The following EDARADD variants were observed in gnomAD, a reference collection of about 807,000 sequenced individuals.
EDARADD encodes the protein EDAR associated via death domain.
EDARADD carries 20 observed loss-of-function variants against 25.6 expected under a neutral mutation model. That is an observed-to-expected ratio of 0.78 (90% CI 0.55 to 1.14). The LOEUF (loss-of-function observed/expected upper bound fraction) is 1.14, where lower values mean the gene tolerates loss of function less well. Among genes scored for constraint, EDARADD ranks in the 50% most tolerant of loss-of-function variants. EDARADD has a pLI of 0.00. For missense variants in EDARADD, 225 were observed against 270.1 expected, an observed-to-expected ratio of 0.83 and a Z score of 1.17; for synonymous variants, 86 against 94.4, an observed-to-expected ratio of 0.91 and a Z score of 0.52.
intron 4 of EDARADD, among the ~76,000 whole-genome samples, chr1:236,466,882 C>T (rs1359994395): frequency 6.6e-6 from 1 of 152,128 alleles, no homozygotes; most frequent in Non-Finnish European, 1.5e-5. Flanking sequence ...TCCCGGCCAA[C>T]ATGGTGAAAC....
chr1:236,452,496 T>TC (rs752902630), intron 4 of EDARADD, among the ~76,000 whole-genome samples: 14 of 130,436 alleles, frequency 1.1e-4, no homozygotes, highest in South Asian at 1.1e-3. Flanking sequence ...GTGTGGCCGA[T>TC]CCCCCCTCTC....
At chr1:236,381,789 T>C (rs1461166239) in intron 3 of EDARADD, among the ~76,000 whole-genome samples, 1 of 145,618 alleles carries the variant, frequency 6.9e-6, no homozygotes, top group African/African-American at 2.5e-5. Flanking sequence ...TTTTTTTTTC[T>C]TCCTGTGGTT....
At chr1:236,422,537 GT>G (rs1657807498) in intron 3 of EDARADD, among the ~76,000 whole-genome samples, 1 of 152,208 alleles carries the variant, frequency 6.6e-6, no homozygotes, top group African/African-American at 2.4e-5. Context: ...AGTTTGGCCA[GT>G]TTTGCTAATC....
At chr1:236,405,771 TTC>T (rs759139136) in intron 1 of EDARADD, among the ~76,000 whole-genome samples, 704 of 56,330 alleles carry the variant, frequency 0.012, 3 homozygotes, top group South Asian at 0.027. Context: ...CTTTCTTTCT[TTC>T]TTTCTTTCTT....
chr1:236,467,032 C>T (rs371987610), intron 4 of EDARADD, among the ~76,000 whole-genome samples: 4 of 151,938 alleles, frequency 2.6e-5, no homozygotes, highest in Non-Finnish European at 2.9e-5. Flanking sequence ...TGCCACTGCA[C>T]TCCAGCCTGG....
At chr1:236,394,013 C>G (rs1314060123), upstream of EDARADD, among the ~76,000 whole-genome samples, 1 of 150,222 alleles carries the variant, frequency 6.7e-6, no homozygotes, top group African/African-American at 2.4e-5. Flanking sequence ...AAAAAAAAAC[C>G]CTTAAAATAT....
intron 2 of EDARADD, 47 bp from the exon 3 acceptor site, chr1:236,414,213 T>G (rs546611783): frequency 6.6e-7 from 1 of 1,511,996 alleles, no homozygotes; most frequent in South Asian, 1.1e-5. Flanking sequence ...CACTTTGATC[T>G]TACATGGCAT....
exon 3 of EDARADD, chr1:236,350,731 C>G (rs533598831): frequency 6.6e-6 from 1 of 152,282 alleles, no homozygotes; most frequent in South Asian, 2.1e-4. Context: ...TAGCTCCAAG[C>G]ATTCTGAGCT....
At chr1:236,426,789 G>T (rs1394530108) in intron 3 of EDARADD, among the ~76,000 whole-genome samples, 1 of 152,162 alleles carries the variant, frequency 6.6e-6, no homozygotes, top group Non-Finnish European at 1.5e-5. Flanking sequence ...CAGATACTTG[G>T]GAGGCTGAGG....
rs534000941 is a variant in EDARADD at position 236,398,315 on chromosome 1, T to G, written c.61+3810T>G. ...AATTTTTTGTATTTTTAGGCTGGTC[T>G]CGAACTCCTGACCTCAAGTGATCCA... On this transcript the variant is annotated intron_variant, in intron 1 of 5. Transcript: ENST00000334232. The surrounding 1 kb of genome is among the most constrained non-coding windows in gnomAD (Gnocchi z 4.1). Among the ~76,000 whole-genome samples the G allele has an allele frequency of 1.3e-5, 2 of 152,120 alleles. No homozygotes were observed. Among genetic ancestry groups the G allele is most frequent in the Non-Finnish European group, 2.9e-5 (2 of 68,012 alleles).
intron 3 of EDARADD, among the ~76,000 whole-genome samples, chr1:236,353,678 CAA>C (rs34798233): frequency 2.3e-4 from 18 of 78,684 alleles, no homozygotes; most frequent in Admixed American, 3.2e-4. Context: ...ACTCCAACTC[CAA>C]AAAAAAAAAA....
At chr1:236,394,112 T>G (rs10802533), upstream of EDARADD, among the ~76,000 whole-genome samples, 118,705 of 152,060 alleles carry the variant, frequency 0.78, 47,365 homozygotes, top group East Asian at 0.92. Context: ...ACCAGCTTTA[T>G]AGCAATGCTT....
intron 2 of EDARADD, among the ~76,000 whole-genome samples, chr1:236,410,482 C>A (rs1439457520): frequency 2.0e-5 from 3 of 152,102 alleles, no homozygotes; most frequent in Non-Finnish European, 4.4e-5. Context: ...TCCTCCCAAC[C>A]ATCCCTTGAG....
At chr1:236,424,441 G>A (rs1453880660) in intron 3 of EDARADD, among the ~76,000 whole-genome samples, 1 of 152,072 alleles carries the variant, frequency 6.6e-6, no homozygotes, top group Non-Finnish European at 1.5e-5. Flanking sequence ...GGGATTACAG[G>A]TGTGAGCCAC....
At chr1:236,433,694 A>AAAAAT (rs1004843264) in intron 4 of EDARADD, among the ~76,000 whole-genome samples, 1 of 151,922 alleles carries the variant, frequency 6.6e-6, no homozygotes, top group African/African-American at 2.4e-5. Context: ...AGAGTGGTTA[A>AAAAAT]AAAATAAAAT....
At chr1:236,470,707 G>A (rs1659337427) in intron 5 of EDARADD, among the ~76,000 whole-genome samples, 1 of 152,132 alleles carries the variant, frequency 6.6e-6, no homozygotes. Context: ...CTGGGTTCAA[G>A]CAGCTCTCCT....
chr1:236,468,201 T>C, intron 4 of EDARADD, 30 bp from the exon 5 acceptor site: 1 of 1,607,530 alleles, frequency 6.2e-7, no homozygotes, highest in Non-Finnish European at 8.5e-7. Flanking sequence ...TTGGATATGA[T>C]TTTAATGAAG....
At chr1:236,358,181 T>G (rs1385009364) in intron 3 of EDARADD, among the ~76,000 whole-genome samples, 1 of 152,170 alleles carries the variant, frequency 6.6e-6, no homozygotes, top group African/African-American at 2.4e-5. Flanking sequence ...ACAAGGAAAG[T>G]AACTTTAAAA....
chr1:236,388,009 T>TAAA (rs538041427), intron 3 of EDARADD, among the ~76,000 whole-genome samples: 1 of 26,550 alleles, frequency 3.8e-5, no homozygotes. Context: ...AAAAATAAAT[T>TAAA]AAAAAAAAAA....
Sources: allele counts gnomAD v4.1 joint callset (sites outside exome capture counted in the v4.1 genomes callset), GRCh38; gene constraint gnomAD v4.1.1; non-coding constraint Gnocchi (gnomAD v3.1); transcripts MANE v1.5; gene names NCBI Gene and HGNC (gene_info 2026-07-23, HGNC 2026-07-21).